GATA4: variants seen among roughly 807,000 people sequenced by gnomAD.
GATA4 encodes GATA binding protein 4, also known as transcription factor GATA-4.
In GATA4, 7 loss-of-function variants were observed where a neutral mutation model predicts 37.9. The observed-to-expected ratio is 0.18, with a 90% CI of 0.11 to 0.35. The LOEUF is 0.35. GATA4 is among the 10% of genes least tolerant of loss of function. GATA4 has a pLI of 1.00. For missense variants in GATA4, 647 were observed against 653.0 expected, an observed-to-expected ratio of 0.99 and a Z score of 0.10; for synonymous variants, 372 against 292.6, an observed-to-expected ratio of 1.27 and a Z score of -2.77.
At chr8:11,701,821 C>A (rs1799685836), upstream of GATA4, among the ~76,000 whole-genome samples, 1 of 151,426 alleles carries the variant, frequency 6.6e-6, no homozygotes, top group African/African-American at 2.4e-5. Flanking sequence ...ACTAGGAGTG[C>A]CAGCGGAAGG....
intron 1 of GATA4, among the ~76,000 whole-genome samples, chr8:11,686,633 G>A (rs1002963806): frequency 6.6e-5 from 10 of 152,178 alleles, no homozygotes; most frequent in African/African-American, 2.4e-4. Flanking sequence ...AGGCATAGTG[G>A]TAGGAACTTT....
At chr8:11,691,562 C>G (rs1303634610), upstream of GATA4, among the ~76,000 whole-genome samples, 1 of 152,224 alleles carries the variant, frequency 6.6e-6, no homozygotes. Flanking sequence ...TAGGAAGGAA[C>G]CTGGGAGACA....
chr8:11,737,383 C>T (rs1415977330), intron 2 of GATA4, among the ~76,000 whole-genome samples: 1 of 152,212 alleles, frequency 6.6e-6, no homozygotes, highest in Admixed American at 6.5e-5. Flanking sequence ...AAAGCCTCTC[C>T]CTGCAGACCC....
Position 11,758,311 on chromosome 8 carries a change from A to G in GATA4, c.1168A>G (p.Met390Val). 6.2e-7 allele frequency: 1 copy of G among 1,614,014 alleles called. No individual in the cohort carries two copies. The highest frequency in any genetic ancestry group is 8.5e-7 in the Non-Finnish European group (1 of 1,179,980). ...SVSQTFSVSA[M>V]SGHGPSIHPV... ...TTTTCAGACGTTCTCAGTCAGTGCG[A>G]TGTCTGGCCATGGGCCCTCCATCCA... The change falls in exon 7 of 7, where the codon ATG (methionine) becomes GTG (valine). Residue 390 changes from methionine to valine, a missense_variant. Met to Val is a conservative substitution (Grantham distance 21). Transcript: ENST00000532059.
intron 2 of GATA4, among the ~76,000 whole-genome samples, chr8:11,710,126 G>T (rs1479419513): frequency 6.6e-6 from 1 of 152,138 alleles, no homozygotes; most frequent in Non-Finnish European, 1.5e-5. Flanking sequence ...CTTTTAAATT[G>T]TCCTCTGGCC....
upstream of GATA4, among the ~76,000 whole-genome samples, chr8:11,691,815 C>T (rs1033256004): frequency 6.6e-6 from 1 of 152,086 alleles, no homozygotes; most frequent in African/African-American, 2.4e-5. Flanking sequence ...CTATGGCGCC[C>T]CAAACAAAAG....
rs534687332 is a variant in GATA4 at position 11,750,347 on chromosome 8, G to T, written c.912+111G>T. 6.1e-6 allele frequency: 9 copies of T among 1,472,670 alleles called. No individual in the cohort carries two copies. In the South Asian group the frequency reaches 1.1e-4, roughly 17 times the overall value. The allele number at this position is 1,472,670 out of a possible 1,614,324, so 91.2% of individuals were successfully genotyped here. A position where few individuals can be genotyped will look rare whatever the true frequency, so the allele number is the denominator to read the frequency against. On this transcript the variant is annotated intron_variant, in intron 4 of 6. Coordinates refer to ENST00000532059, the MANE Select transcript of GATA4 (RefSeq NM_001308093.3). ...ATTCATTTTTCCTTCTTAACAAAGA[G>T]ACTTAGATTTGGAAGGGGCTTTCAA...
rs544378548 is a variant in GATA4 at position 11,709,535 on chromosome 8, G to T, written c.616+607G>T. 6.6e-5 allele frequency among the ~76,000 whole-genome samples: 10 copies of T among 150,390 alleles called. No homozygotes were observed. In the South Asian group the frequency reaches 1.3e-3, roughly 19 times the overall value. ...CGGAACAGGAGCCGGCACTGTGCGG[G>T]TGCCACCCGGCCGAGCGCGTGGGCG... On this transcript the variant is annotated intron_variant, in intron 2 of 6. Coordinates refer to ENST00000532059, the MANE Select transcript of GATA4 (RefSeq NM_001308093.3). The surrounding 1 kb of genome is among the most constrained non-coding windows in gnomAD (Gnocchi z 4.3).
chr8:11,741,564 G>A (rs749140285), intron 2 of GATA4, among the ~76,000 whole-genome samples: 7 of 152,144 alleles, frequency 4.6e-5, no homozygotes, highest in Non-Finnish European at 8.8e-5. Flanking sequence ...CATTGTGATT[G>A]CAGAGGCTCA....
rs1301716764 is a variant in GATA4, at chr8:11,708,909, C to G, written c.597C>G (p.Ala199=). 2.6e-6 allele frequency: 4 copies of G among 1,527,414 alleles called. No homozygotes were observed. Among genetic ancestry groups the G allele is most frequent in the Non-Finnish European group, 3.5e-6 (4 of 1,143,528 alleles). 94.6% of individuals were successfully genotyped at this position (1,527,414 alleles called of 1,614,324 possible). A position where few individuals can be genotyped will look rare whatever the true frequency, so the allele number is the denominator to read the frequency against. Residue 199 remains alanine, a synonymous_variant, in exon 2 of 7, where the codon GCC becomes GCG. Coordinates refer to ENST00000532059, the MANE Select transcript of GATA4 (RefSeq NM_001308093.3). The surrounding 1 kb of genome is among the most constrained non-coding windows in gnomAD (Gnocchi z 6.7). ...LHSLPGRANP[A]ARHPNLVDMF... ...GCCTGCCCGGCCGGGCCAACCCGGC[C>G]GCCCGACACCCCAATCTCGGTGAGT...
In GATA4 at chr8:11,756,918, A is replaced by T; in HGVS notation, c.1001-17A>T. On this transcript the variant is annotated splice_polypyrimidine_tract_variant and intron_variant, in intron 5 of 6. Coordinates refer to ENST00000532059, the MANE Select transcript of GATA4 (RefSeq NM_001308093.3). ...CCCTGCCGCTGATTTGGGTGTGCTG[A>T]CTCTGCTTCATTCCAGCTCCTTCAG... 2 of 1,613,976 alleles carry T rather than the reference A, an allele frequency of 1.2e-6. No individual in the cohort carries two copies. The highest frequency in any genetic ancestry group is 1.7e-6 in the Non-Finnish European group (2 of 1,179,984).
rs145231062 is a variant in GATA4, at chr8:11,725,095, G to A, written c.616+16167G>A. On this transcript the variant is annotated intron_variant, in intron 2 of 6. Transcript: ENST00000532059. ...GCTGTCCTTCTGTGTTGTCATGGAAGGAGTCACGCTCTGTCCTTGGAGCCT... is the reference window on the plus strand; with the variant it reads ...GCTGTCCTTCTGTGTTGTCATGGAAAGAGTCACGCTCTGTCCTTGGAGCCT... 2.9e-3 allele frequency among the ~76,000 whole-genome samples: 447 copies of A among 152,350 alleles called. 5 individuals are homozygous for A. The highest frequency in any genetic ancestry group is 0.01 in the African/African-American group (427 of 41,584).
chr8:11,721,015 C>G (rs907774541), intron 2 of GATA4, among the ~76,000 whole-genome samples: 24 of 152,234 alleles, frequency 1.6e-4, no homozygotes, highest in Admixed American at 9.2e-4. Context: ...TCCCTGTGAG[C>G]CTGGCGCTGG....
In GATA4 at chr8:11,708,661, C is replaced by G. The variant is rs1265057798; in HGVS notation, c.349C>G (p.Leu117Val). The G allele has an allele frequency of 1.5e-6, 2 of 1,300,418 alleles. No individual in the cohort carries two copies. Among genetic ancestry groups the G allele is most frequent in the African/African-American group, 1.5e-5 (1 of 64,668 alleles). 80.6% of individuals were successfully genotyped at this position (1,300,418 alleles called of 1,614,324 possible). Reference protein sequence around the residue: ...RFSFPGTTGSLAAAAAAAAAR... With the variant: ...RFSFPGTTGSVAAAAAAAAAR... ...CTCCTTCCCGGGGACCACCGGGTCC[C>G]TGGCGGCCGCCGCCGCCGCTGCCGC... Residue 117 changes from leucine to valine, a missense_variant, in exon 2 of 7, where the codon CTG becomes GTG. Physicochemically the swap from Leu to Val is conservative, Grantham distance 32 (BLOSUM62 1). Transcript: ENST00000532059. The surrounding 1 kb of genome is among the most constrained non-coding windows in gnomAD (Gnocchi z 6.7).
In GATA4 at chr8:11,708,788, C is replaced by G. The variant is rs1247038472; in HGVS notation, c.476C>G (p.Ser159Cys). 1 of 1,469,546 alleles carries G rather than the reference C, an allele frequency of 6.8e-7. No homozygotes were observed. Among genetic ancestry groups the G allele is most frequent in the South Asian group, 1.3e-5 (1 of 76,690 alleles). 91.0% of individuals were successfully genotyped at this position (1,469,546 alleles called of 1,614,324 possible). A position where few individuals can be genotyped will look rare whatever the true frequency, so the allele number is the denominator to read the frequency against. Residue 159 changes from serine (S) to cysteine (C), a missense_variant, in exon 2 of 7, where the codon TCC becomes TGC. Coordinates refer to ENST00000532059, the MANE Select transcript of GATA4 (RefSeq NM_001308093.3). This position sits in a 1 kb window ranked among gnomAD's most constrained non-coding sequence, Gnocchi z 6.7. ...CGCGCCGGCTTCGCGGGCTCCTACT[C>G]CAGCCCCTACCCGGCTTACATGGCC... ...YGRAGFAGSY[S>C]SPYPAYMADV... is the part of the protein sequence containing the mutation.
At chr8:11,682,097 A>G (rs574152598) in intron 1 of GATA4, among the ~76,000 whole-genome samples, 1 of 152,324 alleles carries the variant, frequency 6.6e-6, no homozygotes, top group African/African-American at 2.4e-5. Flanking sequence ...CCTTTAATAA[A>G]TTTCTTAGGT....
At chr8:11,739,798 G>T (rs1270857204) in intron 2 of GATA4, among the ~76,000 whole-genome samples, 2 of 147,106 alleles carry the variant, frequency 1.4e-5, no homozygotes, top group Non-Finnish European at 3.0e-5. Context: ...GGAAGGCGAG[G>T]ACTGGGAGCT....
chr8:11,703,136 T>C (rs149569276), upstream of GATA4, among the ~76,000 whole-genome samples: 2 of 150,858 alleles, frequency 1.3e-5, no homozygotes, highest in Admixed American at 1.3e-4. Context: ...ATCCCTCTAA[T>C]CTGGCTTGAG....
intron 1 of GATA4, among the ~76,000 whole-genome samples, chr8:11,697,311 GTTC>G (rs1178651186): frequency 6.6e-6 from 1 of 152,224 alleles, no homozygotes; most frequent in African/African-American, 2.4e-5. Flanking sequence ...GGAGTGGGAG[GTTC>G]TTCTTTAAAA....
Sources: gnomAD v4.1 joint callset for allele counts (sites outside exome capture counted in the v4.1 genomes callset) on GRCh38, gnomAD v4.1.1 for gene constraint, Gnocchi (gnomAD v3.1) non-coding constraint, MANE v1.5 for transcripts, NCBI Gene and HGNC (gene_info 2026-07-23, HGNC 2026-07-21) for gene names.